CCBE1: variants seen among roughly 807,000 people sequenced by gnomAD.
CCBE1 encodes collagen and calcium-binding EGF domain-containing protein 1.
A neutral mutation model predicts 50.0 loss-of-function variants in CCBE1; 37 were observed. That is an observed-to-expected ratio of 0.74 (90% CI 0.57 to 0.97). The LOEUF is 0.97. CCBE1 is among the 50% of genes least tolerant of loss of function. CCBE1 has a pLI of 0.00. For synonymous variants in CCBE1, 234 were observed against 203.7 expected (o/e 1.15, Z -1.27); for missense variants, 538 against 523.8 (o/e 1.03, Z -0.26).
rs762090693 is a variant in CCBE1, at chr18:59,445,080, G to A, written c.775+2903C>T. On this transcript the variant is annotated intron_variant, in intron 7 of 10. Transcript: ENST00000439986. ...TTCATCTACTGCTTTTGCTGCCTAT[G>A]CTTTTGGGGGTCATATCCAAGAACT... 1.1e-4 allele frequency among the ~76,000 whole-genome samples: 15 copies of A among 138,714 alleles called. 1 individual carries two copies. The highest frequency in any genetic ancestry group is 1.9e-4 in the Non-Finnish European group (12 of 63,918). 91.0% of individuals were successfully genotyped at this position (138,714 alleles called of 152,430 possible).
intron 2 of CCBE1, among the ~76,000 whole-genome samples, chr18:59,614,847 C>T (rs935530811): frequency 6.6e-6 from 1 of 152,216 alleles, no homozygotes; most frequent in African/African-American, 2.4e-5. Context: ...CTGTTTATTT[C>T]AGAACAAATG....
At chr18:59,627,125 A>T (rs1310912770) in intron 2 of CCBE1, among the ~76,000 whole-genome samples, 1 of 152,170 alleles carries the variant, frequency 6.6e-6, no homozygotes, top group Admixed American at 6.5e-5. Context: ...CAGTTCAGCA[A>T]TTCATGGGGT....
chr18:59,519,797 G>C (rs1461913983), intron 2 of CCBE1, among the ~76,000 whole-genome samples: 1 of 152,112 alleles, frequency 6.6e-6, no homozygotes, highest in East Asian at 1.9e-4. Flanking sequence ...GGATTTTTAT[G>C]GTTTTAGGTC....
chr18:59,648,187 A>G (rs1395920009), intron 2 of CCBE1, among the ~76,000 whole-genome samples: 1 of 152,218 alleles, frequency 6.6e-6, no homozygotes, highest in Admixed American at 6.5e-5. Context: ...TTAGAAGCCT[A>G]CTCAGTAAGT....
intron 2 of CCBE1, among the ~76,000 whole-genome samples, chr18:59,646,278 G>T (rs754647156): frequency 1.4e-4 from 21 of 152,324 alleles, no homozygotes; most frequent in Non-Finnish European, 1.8e-4. Flanking sequence ...TTGGGACCCA[G>T]CAAGTGAGAG....
chr18:59,498,285 G>T (rs546527581), intron 2 of CCBE1, among the ~76,000 whole-genome samples: 6 of 151,942 alleles, frequency 3.9e-5, no homozygotes, highest in Non-Finnish European at 7.4e-5. Context: ...TTGATAAATT[G>T]ATAAAATTTG....
intron 2 of CCBE1, among the ~76,000 whole-genome samples, chr18:59,602,368 T>C (rs1181630710): frequency 3.9e-5 from 6 of 152,284 alleles, no homozygotes; most frequent in East Asian, 1.9e-4. Context: ...ATCATCCTTA[T>C]GTGGTTCTCT....
At chr18:59,574,467 T>C (rs1455091043) in intron 2 of CCBE1, among the ~76,000 whole-genome samples, 2 of 152,244 alleles carry the variant, frequency 1.3e-5, no homozygotes, top group African/African-American at 4.8e-5. Flanking sequence ...GTAGAAATTA[T>C]ATTGGCCTAA....
chr18:59,447,702 T>C (rs1910741354), intron 7 of CCBE1, among the ~76,000 whole-genome samples: 1 of 152,150 alleles, frequency 6.6e-6, no homozygotes, highest in Admixed American at 6.5e-5. Context: ...AAGATAGTTT[T>C]CATTTGGTTT....
At chr18:59,570,689 G>A (rs1159295589) in intron 2 of CCBE1, among the ~76,000 whole-genome samples, 1 of 152,114 alleles carries the variant, frequency 6.6e-6, no homozygotes, top group African/African-American at 2.4e-5. Context: ...CGGGGGTGGG[G>A]CAGGACCTCC....
At chr18:59,537,478 G>C (rs1327763129) in intron 2 of CCBE1, among the ~76,000 whole-genome samples, 6 of 152,292 alleles carry the variant, frequency 3.9e-5, no homozygotes, top group Non-Finnish European at 8.8e-5. Context: ...GGTTTTATAA[G>C]AGGAAAACCC....
intron 2 of CCBE1, among the ~76,000 whole-genome samples, chr18:59,590,903 A>G (rs1325398688): frequency 1.3e-5 from 2 of 152,198 alleles, no homozygotes; most frequent in Non-Finnish European, 2.9e-5. Flanking sequence ...TTTAAACTAC[A>G]AAAGTGCTAG....
At chr18:59,547,082 A>T (rs199931781) in intron 2 of CCBE1, among the ~76,000 whole-genome samples, 2 of 82,712 alleles carry the variant, frequency 2.4e-5, no homozygotes, top group Non-Finnish European at 4.7e-5. Context: ...GGGGAGAGAA[A>T]GGGAGAGAGA....
chr18:59,529,871 G>A (rs1010687377), intron 2 of CCBE1, among the ~76,000 whole-genome samples: 2 of 152,094 alleles, frequency 1.3e-5, no homozygotes, highest in Non-Finnish European at 2.9e-5. Context: ...GGATCTTTTG[G>A]AAAAAACTGT....
At chr18:59,628,442 G>A (rs1476081432) in intron 2 of CCBE1, among the ~76,000 whole-genome samples, 1 of 151,938 alleles carries the variant, frequency 6.6e-6, no homozygotes, top group Admixed American at 6.6e-5. Context: ...TGAGGTGATG[G>A]AAAAAATCTA....
chr18:59,603,346 T>C (rs961246646), intron 2 of CCBE1, among the ~76,000 whole-genome samples: 2 of 152,196 alleles, frequency 1.3e-5, no homozygotes, highest in African/African-American at 4.8e-5. Flanking sequence ...CTCGGGTCCT[T>C]GGTCATAAGG....
chr18:59,582,108 A>G (rs1356118897), intron 2 of CCBE1, among the ~76,000 whole-genome samples: 3 of 152,152 alleles, frequency 2.0e-5, no homozygotes, highest in Non-Finnish European at 4.4e-5. Flanking sequence ...ACTGTGCCTC[A>G]TAGTAGGGTG....
intron 4 of CCBE1, 139 bp from the exon 5 acceptor site, chr18:59,467,030 A>C: frequency 1.4e-6 from 1 of 739,032 alleles, no homozygotes; most frequent in East Asian, 2.6e-5. Flanking sequence ...CCTGGAATAA[A>C]GTAGGGAGCT....
At chr18:59,466,149 G>T (rs192265512) in intron 5 of CCBE1, among the ~76,000 whole-genome samples, 1 of 151,922 alleles carries the variant, frequency 6.6e-6, no homozygotes, top group East Asian at 1.9e-4. Flanking sequence ...TAAAATACAT[G>T]ATATGGTTTA....
Sources: allele counts gnomAD v4.1 joint callset (sites outside exome capture counted in the v4.1 genomes callset), GRCh38; gene constraint gnomAD v4.1.1; transcripts MANE v1.5; gene names NCBI Gene and HGNC (gene_info 2026-07-23, HGNC 2026-07-21).